The following LIN52 variants were observed in gnomAD, a reference collection of about 807,000 sequenced individuals.
LIN52 encodes protein lin-52 homolog.
In LIN52, 4 loss-of-function variants were observed where a neutral mutation model predicts 18.5. The observed-to-expected ratio is 0.22, with a 90% CI of 0.11 to 0.49. The LOEUF is 0.49. Among genes scored for constraint, LIN52 ranks in the 20% least tolerant of loss-of-function variants. The pLI is 0.97. For synonymous variants in LIN52, 34 were observed against 45.5 expected, an observed-to-expected ratio of 0.75 and a Z score of 1.02; for missense variants, 102 against 139.5, an observed-to-expected ratio of 0.73 and a Z score of 1.35.
chr14:74,111,455 ATT>A (rs5809646), intron 5 of LIN52, among the ~76,000 whole-genome samples: 40,884 of 142,030 alleles, frequency 0.29, 6,172 homozygotes, highest in East Asian at 0.65. Context: ...TGCCTGACTG[ATT>A]TTTTTTTTTT....
At chr14:74,131,319 CTT>C (rs34203200) in intron 5 of LIN52, among the ~76,000 whole-genome samples, 10 of 137,918 alleles carry the variant, frequency 7.3e-5, no homozygotes, top group African/African-American at 7.9e-5. Context: ...ATTTAAGTGA[CTT>C]TTTTTTTTTT....
At chr14:74,195,567 T>TGG (rs977828438) in intron 5 of LIN52, among the ~76,000 whole-genome samples, 12 of 151,254 alleles carry the variant, frequency 7.9e-5, no homozygotes, top group African/African-American at 2.7e-4. Flanking sequence ...TGTGTGTGTG[T>TGG]GTGTGTGTGC....
At chr14:74,141,563 A>AT in intron 5 of LIN52, among the ~76,000 whole-genome samples, 1 of 152,278 alleles carries the variant, frequency 6.6e-6, no homozygotes, top group Admixed American at 6.5e-5. Flanking sequence ...ACATGAAGTG[A>AT]TTTTCCTTAC....
At chr14:74,142,581 A>C (rs1338970838) in intron 5 of LIN52, among the ~76,000 whole-genome samples, 1 of 151,818 alleles carries the variant, frequency 6.6e-6, no homozygotes, top group Non-Finnish European at 1.5e-5. Context: ...AATAAAATTT[A>C]AAATCTAATT....
At chr14:74,127,750 AT>A (rs982738950) in intron 5 of LIN52, among the ~76,000 whole-genome samples, 99 of 150,298 alleles carry the variant, frequency 6.6e-4, no homozygotes, top group African/African-American at 2.0e-3. Context: ...TTTAAACTTA[AT>A]TTTTTTTTTG....
At chr14:74,180,925 G>A (rs192535752) in intron 5 of LIN52, among the ~76,000 whole-genome samples, 8 of 151,882 alleles carry the variant, frequency 5.3e-5, no homozygotes, top group Admixed American at 1.3e-4. Flanking sequence ...CCTGAGCAAC[G>A]TAGTGAGACC....
At chr14:74,177,599 G>A (rs375736231) in intron 5 of LIN52, among the ~76,000 whole-genome samples, 5 of 152,084 alleles carry the variant, frequency 3.3e-5, no homozygotes, top group Admixed American at 6.6e-5. Flanking sequence ...GTTTTCATCA[G>A]TCTGAATATT....
In LIN52 at chr14:74,148,541, TA is replaced by T. The variant is rs751644666; in HGVS notation, c.283+47310del. On this transcript the variant is annotated intron_variant, in intron 5 of 5. Coordinates refer to ENST00000555028, the MANE Select transcript of LIN52 (RefSeq NM_001024674.3). ...CTAAAGGTGTTTGGAAAAAGTCTTA[TA>T]AAAAAAGTGGGATATAAACGAACAA... 3.3e-5 allele frequency among the ~76,000 whole-genome samples: 5 copies of T among 152,194 alleles called. No individual in the cohort carries two copies. In the South Asian group the frequency reaches 1.0e-3, roughly 32 times the overall value.
chr14:74,112,335 T>G (rs2139905576), intron 5 of LIN52, among the ~76,000 whole-genome samples: 1 of 152,134 alleles, frequency 6.6e-6, no homozygotes, highest in Non-Finnish European at 1.5e-5. Flanking sequence ...TGAGACAGGG[T>G]TTCCCTCTGT....
At chr14:74,087,860 C>T (rs1259371639) in intron 1 of LIN52, among the ~76,000 whole-genome samples, 1 of 152,160 alleles carries the variant, frequency 6.6e-6, no homozygotes, top group African/African-American at 2.4e-5. Context: ...CTATCCCAGA[C>T]TGTGGTATCA....
intron 5 of LIN52, among the ~76,000 whole-genome samples, chr14:74,195,562 G>GTA (rs1333697766): frequency 2.0e-5 from 3 of 151,114 alleles, no homozygotes; most frequent in Non-Finnish European, 4.4e-5. Context: ...GTGTATGTGT[G>GTA]TGTGTGTGTG....
intron 5 of LIN52, among the ~76,000 whole-genome samples, chr14:74,133,414 T>C (rs1333156165): frequency 2.6e-5 from 4 of 152,252 alleles, no homozygotes; most frequent in Non-Finnish European, 5.9e-5. Context: ...CTGTTAAGCC[T>C]TATTATTTAA....
At chr14:74,118,489 T>C (rs1177421599) in intron 5 of LIN52, among the ~76,000 whole-genome samples, 1 of 152,160 alleles carries the variant, frequency 6.6e-6, no homozygotes, top group Non-Finnish European at 1.5e-5. Flanking sequence ...ATACAGAACG[T>C]TGCGCCTGGT....
intron 5 of LIN52, among the ~76,000 whole-genome samples, chr14:74,131,724 T>C (rs2061069177): frequency 6.6e-6 from 1 of 152,234 alleles, no homozygotes; most frequent in Admixed American, 6.5e-5. Flanking sequence ...ACTGGCCACT[T>C]GTTTTTCCTC....
At chr14:74,120,754 CA>C (rs386381782) in intron 5 of LIN52, among the ~76,000 whole-genome samples, 1,097 of 106,072 alleles carry the variant, frequency 0.01, 12 homozygotes, top group African/African-American at 0.029. Flanking sequence ...GACTCCCTCT[CA>C]AAAAAAAAAA....
intron 5 of LIN52, among the ~76,000 whole-genome samples, chr14:74,156,119 T>G (rs1215947164): frequency 1.3e-5 from 2 of 152,234 alleles, no homozygotes; most frequent in African/African-American, 2.4e-5. Flanking sequence ...TGGCTTTATT[T>G]CCTGTAGATA....
chr14:74,108,819 A>T (rs2060911690), intron 5 of LIN52, among the ~76,000 whole-genome samples: 1 of 152,150 alleles, frequency 6.6e-6, no homozygotes, highest in African/African-American at 2.4e-5. Flanking sequence ...ACATTATCAG[A>T]TATATGACTT....
At chr14:74,093,589 G>A (rs2060787628) in intron 2 of LIN52, among the ~76,000 whole-genome samples, 1 of 152,092 alleles carries the variant, frequency 6.6e-6, no homozygotes, top group South Asian at 2.1e-4. Flanking sequence ...GCCTCCCAAA[G>A]TGCTAGTATT....
intron 5 of LIN52, among the ~76,000 whole-genome samples, chr14:74,128,834 C>T (rs1287063890): frequency 1.3e-5 from 2 of 152,108 alleles, no homozygotes; most frequent in African/African-American, 4.8e-5. Flanking sequence ...ATCCCAGCTA[C>T]TCAGGAGGCT....
Sources: allele counts gnomAD v4.1 joint callset (sites outside exome capture counted in the v4.1 genomes callset), GRCh38; gene constraint gnomAD v4.1.1; transcripts MANE v1.5; gene names NCBI Gene and HGNC (gene_info 2026-07-23, HGNC 2026-07-21).